Variants in IL4I1 observed in about 807,000 individuals in gnomAD.
The protein encoded by IL4I1 is L-amino-acid oxidase.
A neutral mutation model predicts 29.7 loss-of-function variants in IL4I1; 24 were observed. That is an observed-to-expected ratio of 0.81 (90% CI 0.59 to 1.14). IL4I1 has a LOEUF of 1.14. Ranked by LOEUF, IL4I1 falls within the 50% of genes most tolerant of loss-of-function variation. The pLI is 0.00. For synonymous variants in IL4I1, 371 were observed against 352.5 expected (o/e 1.05, Z -0.59); for missense variants, 686 against 785.6 (o/e 0.87, Z 1.52).
chr19:49,889,711 A>T lies in IL4I1; in HGVS notation c.1663T>A (p.Leu555Ile). Residue 555 changes from leucine (L) to isoleucine (I), a missense_variant, in exon 8 of 8, where the codon TTA becomes ATA. Leu to Ile is a conservative substitution (Grantham distance 5). Transcript: ENST00000391826. ...GTGTGGGTCGTGTTTTGGAGAGATA[A>T]CTGGCCTTGGACTGGAGGGTGGCTG... ...EGSHPPVQGQ[L>I]SLQNTTHTRT... 1 of 1,510,294 alleles carries T rather than the reference A, an allele frequency of 6.6e-7. No homozygotes were observed. The highest frequency in any genetic ancestry group is 8.9e-7 in the Non-Finnish European group (1 of 1,128,820). The allele number at this position is 1,510,294 out of a possible 1,614,324, so 93.6% of individuals were successfully genotyped here. A position where few individuals can be genotyped will look rare whatever the true frequency, so the allele number is the denominator to read the frequency against.
intron 2 of IL4I1, chr19:49,907,392 C>A (rs1452566180): frequency 5.3e-6 from 2 of 373,996 alleles, no homozygotes. Context: ...GTGTGCAGGC[C>A]CCTCAGCTGA....
upstream of IL4I1, among the ~76,000 whole-genome samples, chr19:49,900,210 A>G (rs2075259509): frequency 6.6e-6 from 1 of 152,114 alleles, no homozygotes; most frequent in South Asian, 2.1e-4. Context: ...AGAAAAAAAA[A>G]TCCCAATTAA....
chr19:49,923,075 C>CT (rs34122194), intron 2 of IL4I1, among the ~76,000 whole-genome samples: 12,131 of 151,300 alleles, frequency 0.08, 579 homozygotes, highest in African/African-American at 0.14. Context: ...TGCTGTGTCC[C>CT]TTTTTTTTTG....
chr19:49,909,783 T>C (rs2075416508), intron 2 of IL4I1: 1 of 1,613,990 alleles, frequency 6.2e-7, no homozygotes, highest in African/African-American at 1.3e-5. Context: ...GGGGCCCCAG[T>C]GCCTCCAAAA....
intron 2 of IL4I1, chr19:49,909,585 T>C: frequency 1.2e-6 from 2 of 1,614,004 alleles, no homozygotes; most frequent in Non-Finnish European, 1.7e-6. Flanking sequence ...GTTCCAAAAG[T>C]GAAGCCTGTC....
chr19:49,919,894 G>C (rs1321273567), intron 2 of IL4I1, among the ~76,000 whole-genome samples: 1 of 151,972 alleles, frequency 6.6e-6, no homozygotes, highest in African/African-American at 2.4e-5. Flanking sequence ...CTCTTGTATT[G>C]AAAGTTTTTT....
At chr19:49,911,242 G>A (rs2075454462) in intron 2 of IL4I1, 2 of 152,260 alleles carry the variant, frequency 1.3e-5, no homozygotes, top group Non-Finnish European at 2.9e-5. Flanking sequence ...CTGGAGAAGG[G>A]AAGAAAGCTT....
At chr19:49,915,612 G>A (rs2075603273) in intron 2 of IL4I1, among the ~76,000 whole-genome samples, 1 of 152,252 alleles carries the variant, frequency 6.6e-6, no homozygotes, top group Admixed American at 6.5e-5. Flanking sequence ...GGTAGGTTGA[G>A]GGACGATGGA....
intron 3 of IL4I1, 117 bp downstream of exon 3, chr19:49,895,698 T>TGCCCCCCCCAAC: frequency 5.7e-6 from 4 of 705,414 alleles, no homozygotes; most frequent in East Asian, 3.3e-5. Context: ...AGATAGCCTC[T>TGCCCCCCCCAAC]CCCCCCACAT....
intron 6 of IL4I1, 99 bp downstream of exon 6, chr19:49,891,306 G>C: frequency 6.9e-7 from 1 of 1,447,544 alleles, no homozygotes; most frequent in Admixed American, 1.7e-5. Flanking sequence ...GGCGGTGGCA[G>C]GACTAGGGTG....
At chr19:49,902,383 G>T in intron 3 of IL4I1, among the ~76,000 whole-genome samples, 6 of 117,968 alleles carry the variant, frequency 5.1e-5, no homozygotes, top group Admixed American at 9.0e-5. Context: ...TTTTTGAGAT[G>T]GAGTCTCGCT....
At chr19:49,909,885 C>A (rs2075419442) in intron 2 of IL4I1, 3 of 1,491,086 alleles carry the variant, frequency 2.0e-6, no homozygotes, top group South Asian at 2.3e-5. Context: ...GGGAAGATTT[C>A]TAAAGCAGAG....
chr19:49,907,626 G>GCAGGTTCACTGCA (rs1323569160), intron 2 of IL4I1: 1 of 391,828 alleles, frequency 2.6e-6, no homozygotes. Flanking sequence ...AACACCTCCT[G>GCAGGTTCACTGCA]GGTTCAAGTG....
chr19:49,915,377 G>A (rs1409941085), intron 2 of IL4I1, among the ~76,000 whole-genome samples: 3 of 152,188 alleles, frequency 2.0e-5, no homozygotes, highest in Non-Finnish European at 4.4e-5. Flanking sequence ...GAGACACTGT[G>A]CTGCTGGCTT....
At chr19:49,892,330 C>T (rs1317161577) in intron 5 of IL4I1, among the ~76,000 whole-genome samples, 3 of 152,160 alleles carry the variant, frequency 2.0e-5, no homozygotes, top group African/African-American at 7.2e-5. Flanking sequence ...GATCTGCCTG[C>T]CTCGGCCTCC....
At chr19:49,890,709 T>A (rs1600462898) in intron 7 of IL4I1, 109 bp from the exon 8 acceptor site, 1 of 911,922 alleles carries the variant, frequency 1.1e-6, no homozygotes, top group South Asian at 2.0e-5. Flanking sequence ...ACCGGCCCGC[T>A]CCCCCGTCAT....
intron 2 of IL4I1, among the ~76,000 whole-genome samples, chr19:49,915,016 A>G (rs1352313029): frequency 6.6e-6 from 1 of 152,112 alleles, no homozygotes; most frequent in Non-Finnish European, 1.5e-5. Context: ...CTGTGATTAC[A>G]GGAGTGAGCC....
chr19:49,917,275 C>T (rs888735585), intron 2 of IL4I1, among the ~76,000 whole-genome samples: 2 of 152,230 alleles, frequency 1.3e-5, no homozygotes, highest in Non-Finnish European at 1.5e-5. Flanking sequence ...CTTGCCCTCC[C>T]GTGGGAACCT....
At chr19:49,893,377 G>C (rs944051313) in intron 5 of IL4I1, among the ~76,000 whole-genome samples, 3 of 151,778 alleles carry the variant, frequency 2.0e-5, no homozygotes, top group Non-Finnish European at 4.4e-5. Context: ...GGCACTGATG[G>C]TGGGGGAGGT....
Sources: allele counts gnomAD v4.1 joint callset (sites outside exome capture counted in the v4.1 genomes callset), GRCh38; gene constraint gnomAD v4.1.1; transcripts MANE v1.5; gene names NCBI Gene and HGNC (gene_info 2026-07-23, HGNC 2026-07-21).